TENM2: variants seen among roughly 807,000 people sequenced by gnomAD.
The protein encoded by TENM2 is teneurin-2.
TENM2 carries 52 observed loss-of-function variants against 245.2 expected under a neutral mutation model. That is an observed-to-expected ratio of 0.21 (90% CI 0.17 to 0.27). TENM2 has a LOEUF of 0.27. Ranked by LOEUF, TENM2 falls within the 10% of genes least tolerant of loss-of-function variation. The pLI, the probability that TENM2 is intolerant of heterozygous loss-of-function variation, is 1.00. For synonymous variants in TENM2, 1,363 were observed against 1,438.9 expected, an observed-to-expected ratio of 0.95 and a Z score of 1.19; for missense variants, 3,046 against 3,666.8, an observed-to-expected ratio of 0.83 and a Z score of 4.37.
chr5:167,801,109 A>ATATATATAT (rs1554120916), intron 2 of TENM2, among the ~76,000 whole-genome samples: 1 of 66,554 alleles, frequency 1.5e-5, no homozygotes, highest in Non-Finnish European at 2.7e-5. Flanking sequence ...AAAAAAAAAA[A>ATATATATAT]ATATATATAT....
intron 6 of TENM2, among the ~76,000 whole-genome samples, chr5:168,051,607 C>G (rs1215091156): frequency 6.6e-6 from 1 of 152,124 alleles, no homozygotes; most frequent in Non-Finnish European, 1.5e-5. Flanking sequence ...TGACCAAGCC[C>G]TAGTTATAAT....
At chr5:167,655,214 CA>C (rs1487588948) in intron 2 of TENM2, among the ~76,000 whole-genome samples, 1 of 152,064 alleles carries the variant, frequency 6.6e-6, no homozygotes, top group Non-Finnish European at 1.5e-5. Flanking sequence ...AACACTAGAA[CA>C]GACAGGAAGC....
the TENM2 span, among the ~76,000 whole-genome samples, chr5:167,183,092 A>G: frequency 1.7e-3 from 260 of 152,266 alleles, 1 homozygote; most frequent in African/African-American, 6.2e-3. Flanking sequence ...GTTGCATTTA[A>G]AGGCCCATTA....
intron 1 of TENM2, among the ~76,000 whole-genome samples, chr5:167,353,500 GT>G (rs59240930): frequency 7.6e-5 from 6 of 79,458 alleles, no homozygotes; most frequent in African/African-American, 2.1e-4. Context: ...TGTTGTTGTT[GT>G]TTTTTTTTTT....
intron 25 of TENM2, among the ~76,000 whole-genome samples, chr5:168,236,987 TATATATATA>T (rs1765553128): frequency 1.8e-4 from 1 of 5,670 alleles, no homozygotes; most frequent in Non-Finnish European, 3.4e-4. Flanking sequence ...TATATATATA[TATATATATA>T]TATATTTTTT....
chr5:167,572,025 A>G (rs1218072223), intron 2 of TENM2, among the ~76,000 whole-genome samples: 2 of 152,212 alleles, frequency 1.3e-5, no homozygotes, highest in Admixed American at 1.3e-4. Flanking sequence ...TTCTCTGGCC[A>G]GCTGCCTTCT....
intron 5 of TENM2, among the ~76,000 whole-genome samples, chr5:168,030,360 T>C (rs1382320944): frequency 6.6e-6 from 1 of 151,936 alleles, no homozygotes; most frequent in Non-Finnish European, 1.5e-5. Context: ...GTTCCTTCCC[T>C]TCATGTTCTC....
chr5:167,282,572 ATGC>A (rs1321648543), upstream of TENM2, among the ~76,000 whole-genome samples: 6 of 152,188 alleles, frequency 3.9e-5, no homozygotes, highest in African/African-American at 1.4e-4. Context: ...TGTGGAGTAG[ATGC>A]TATTATTTTC....
Position 167,900,142 on chromosome 5 carries a change from G to T in TENM2, c.712+23947G>T, listed in dbSNP as rs966996966. 2.1e-4 allele frequency among the ~76,000 whole-genome samples: 27 copies of T among 129,334 alleles called. 1 individual carries two copies. Among genetic ancestry groups the T allele is most frequent in the Non-Finnish European group, 3.2e-4 (20 of 62,770 alleles). The allele number at this position is 129,334 out of a possible 152,430, so 84.8% of individuals were successfully genotyped here. ...AAAAAAAAAAAAAAAAAGGGGGGGG[G>T]GGTTTTGGAAAGGAAAGGAATGATA... is the stretch of plus-strand genomic sequence containing the variant. On this transcript the variant is annotated intron_variant, in intron 3 of 28. Transcript: ENST00000518659.
At chr5:167,132,643 G>C in the TENM2 span, among the ~76,000 whole-genome samples, 299 of 152,282 alleles carry the variant, frequency 2.0e-3, no homozygotes, top group African/African-American at 7.0e-3. Flanking sequence ...CTGAGTGGTA[G>C]ACAATGGTCT....
chr5:167,008,842 G>A, the TENM2 span, among the ~76,000 whole-genome samples: 1 of 152,098 alleles, frequency 6.6e-6, no homozygotes, highest in Non-Finnish European at 1.5e-5. Context: ...TCCTATTTGG[G>A]TCAGTGTGCA....
chr5:168,030,884 G>T (rs765127088), intron 5 of TENM2, among the ~76,000 whole-genome samples: 1 of 152,154 alleles, frequency 6.6e-6, no homozygotes. Flanking sequence ...TGCCAGTCTG[G>T]GTGGAAAATG....
intron 2 of TENM2, among the ~76,000 whole-genome samples, chr5:167,718,027 G>C (rs1483511827): frequency 6.6e-6 from 1 of 152,132 alleles, no homozygotes; most frequent in African/African-American, 2.4e-5. Context: ...GGTCTCTGCT[G>C]TTCTGAAAGT....
chr5:167,362,552 A>G (rs1759781106), intron 1 of TENM2, among the ~76,000 whole-genome samples: 1 of 152,154 alleles, frequency 6.6e-6, no homozygotes, highest in Admixed American at 6.5e-5. Context: ...CTGTGATAGG[A>G]AAGTCAAAGT....
At chr5:167,375,613 T>C (rs1760701385) in intron 2 of TENM2, 140 bp downstream of exon 4, 3 of 859,974 alleles carry the variant, frequency 3.5e-6, no homozygotes, top group Non-Finnish European at 5.3e-6. Flanking sequence ...CAGTGTGAGC[T>C]GGGGGGAAGT....
intron 2 of TENM2, among the ~76,000 whole-genome samples, chr5:167,394,126 G>A (rs947277923): frequency 6.6e-6 from 1 of 152,134 alleles, no homozygotes; most frequent in African/African-American, 2.4e-5. Context: ...AAGCTTTTGA[G>A]TTTGAGGTAG....
rs371703040 is a variant in TENM2 at position 167,450,031 on chromosome 5, A to T, written c.502+74558A>T. On this transcript the variant is annotated intron_variant, in intron 2 of 28. Coordinates refer to ENST00000518659, the Ensembl canonical transcript of TENM2. Reference sequence around the variant, plus strand: ...AGGTATACAGTTGGTGGGTGGATGGATGAATGCGTGGCTAGATGGATGGAT... The same window carrying T: ...AGGTATACAGTTGGTGGGTGGATGGTTGAATGCGTGGCTAGATGGATGGAT... Among the ~76,000 whole-genome samples the T allele has an allele frequency of 3.2e-3, 490 of 152,228 alleles. 24 individuals carry two copies. The South Asian group carries it at 0.097, about 30-fold the overall frequency.
chr5:167,124,854 G>A, the TENM2 span, among the ~76,000 whole-genome samples: 1 of 152,104 alleles, frequency 6.6e-6, no homozygotes, highest in Non-Finnish European at 1.5e-5. Context: ...TTCATTATTT[G>A]TAAGATCTAA....
chr5:168,071,836 C>T (rs545312952), intron 7 of TENM2, among the ~76,000 whole-genome samples: 6 of 152,194 alleles, frequency 3.9e-5, no homozygotes, highest in East Asian at 3.9e-4. Context: ...TACTATGAGC[C>T]GAGCCGAACT....
Sources: allele counts gnomAD v4.1 joint callset (sites outside exome capture counted in the v4.1 genomes callset), GRCh38; gene constraint gnomAD v4.1.1; transcripts MANE v1.5; gene names NCBI Gene and HGNC (gene_info 2026-07-23, HGNC 2026-07-21).